The following SCHIP1 variants were observed in gnomAD, a reference collection of about 807,000 sequenced individuals.
SCHIP1 encodes the protein schwannomin interacting protein 1.
SCHIP1 carries 8 observed loss-of-function variants against 29.7 expected under a neutral mutation model. The observed-to-expected ratio is 0.27, with a 90% CI of 0.16 to 0.49. The LOEUF is 0.49. Among genes scored for constraint, SCHIP1 ranks in the 20% least tolerant of loss-of-function variants. The pLI is 0.99. For synonymous variants in SCHIP1, 76 were observed against 94.9 expected (o/e 0.80, Z 1.16); for missense variants, 193 against 294.6 (o/e 0.66, Z 2.52).
intron 6 of SCHIP1, 83 bp downstream of exon 7, chr3:159,892,273 G>T: frequency 6.6e-7 from 1 of 1,509,204 alleles, no homozygotes; most frequent in South Asian, 1.2e-5. Flanking sequence ...TAGCTCAAGA[G>T]AACTTCTTCC....
the SCHIP1 span, among the ~76,000 whole-genome samples, chr3:159,397,412 T>G: frequency 6.6e-6 from 1 of 152,226 alleles, no homozygotes; most frequent in African/African-American, 2.4e-5. Flanking sequence ...TTTTAGAGTT[T>G]CCAGTCTTTC....
chr3:159,680,633 T>TATATTATATTA, the SCHIP1 span, among the ~76,000 whole-genome samples: 5 of 63,268 alleles, frequency 7.9e-5, no homozygotes, highest in South Asian at 2.1e-3. Context: ...ATATATATTT[T>TATATTATATTA]ATATATTATA....
chr3:159,680,087 A>G, the SCHIP1 span, among the ~76,000 whole-genome samples: 260 of 152,056 alleles, frequency 1.7e-3, 1 homozygote, highest in African/African-American at 5.9e-3. Flanking sequence ...TAACCAGTTC[A>G]TTGGGTCTCT....
chr3:159,694,510 ACT>A, the SCHIP1 span, among the ~76,000 whole-genome samples: 1 of 150,702 alleles, frequency 6.6e-6, no homozygotes, highest in East Asian at 1.9e-4. Flanking sequence ...TAAGAGCAAA[ACT>A]CTGCCAAAAA....
chr3:159,737,913 A>G, the SCHIP1 span, among the ~76,000 whole-genome samples: 3 of 152,032 alleles, frequency 2.0e-5, no homozygotes, highest in Non-Finnish European at 4.4e-5. Context: ...TATGTGTTGT[A>G]TTTGCTGTCC....
chr3:159,727,051 C>T, the SCHIP1 span, among the ~76,000 whole-genome samples: 1 of 152,132 alleles, frequency 6.6e-6, no homozygotes, highest in East Asian at 1.9e-4. Flanking sequence ...AAAACAAATC[C>T]TCTATGAACT....
chr3:159,559,378 A>G, the SCHIP1 span, among the ~76,000 whole-genome samples: 1 of 152,226 alleles, frequency 6.6e-6, no homozygotes, highest in Non-Finnish European at 1.5e-5. Context: ...TTTTAAACAT[A>G]CAACATGTAT....
At chr3:159,826,111 T>A in the SCHIP1 span, among the ~76,000 whole-genome samples, 431 of 152,322 alleles carry the variant, frequency 2.8e-3, 2 homozygotes, top group African/African-American at 9.9e-3. Flanking sequence ...ACCGAGGAGT[T>A]TGAAACCAAG....
chr3:159,474,488 A>ACTT, the SCHIP1 span, among the ~76,000 whole-genome samples: 1 of 152,146 alleles, frequency 6.6e-6, no homozygotes, highest in Non-Finnish European at 1.5e-5. Flanking sequence ...TATATTGGTT[A>ACTT]AGTTCTGCAT....
the SCHIP1 span, among the ~76,000 whole-genome samples, chr3:159,628,462 C>G: frequency 6.6e-6 from 1 of 152,086 alleles, no homozygotes; most frequent in African/African-American, 2.4e-5. Context: ...AGCTGACGTA[C>G]AAGTGATGCA....
upstream of SCHIP1, among the ~76,000 whole-genome samples, chr3:159,835,645 T>C (rs1429360122): frequency 6.6e-6 from 1 of 152,246 alleles, no homozygotes; most frequent in African/African-American, 2.4e-5. Context: ...AAATTTTATG[T>C]ACAAAGAAAT....
chr3:159,524,824 TTCC>T, the SCHIP1 span, among the ~76,000 whole-genome samples: 2 of 152,206 alleles, frequency 1.3e-5, no homozygotes, highest in African/African-American at 4.8e-5. Context: ...CACAGAGCTA[TTCC>T]TCCTTTCACA....
chr3:159,443,681 C>A, the SCHIP1 span, among the ~76,000 whole-genome samples: 39 of 152,078 alleles, frequency 2.6e-4, no homozygotes, highest in South Asian at 1.9e-3. Context: ...GCTAATTTTT[C>A]TATTTTTAGT....
At chr3:159,332,855 A>G in the SCHIP1 span, among the ~76,000 whole-genome samples, 5 of 152,200 alleles carry the variant, frequency 3.3e-5, no homozygotes, top group Non-Finnish European at 5.9e-5. Context: ...TTATCCATCA[A>G]TTACAAAGCA....
At chr3:159,770,417 G>T in the SCHIP1 span, among the ~76,000 whole-genome samples, 1 of 152,068 alleles carries the variant, frequency 6.6e-6, no homozygotes, top group Admixed American at 6.6e-5. Context: ...CCACCATCAT[G>T]CCTGGCTAAT....
the SCHIP1 span, among the ~76,000 whole-genome samples, chr3:159,337,696 C>T: frequency 2.6e-5 from 4 of 152,106 alleles, no homozygotes; most frequent in Admixed American, 2.0e-4. Context: ...TTAGGGACCA[C>T]CAGTGGCAAC....
the SCHIP1 span, among the ~76,000 whole-genome samples, chr3:159,512,185 A>G: frequency 9.8e-5 from 15 of 152,300 alleles, 1 homozygote; most frequent in African/African-American, 3.4e-4. Flanking sequence ...GGAGAACTAG[A>G]GGGAAGGAGA....
At chr3:159,869,207 A>G (rs1349741053) in intron 2 of SCHIP1, among the ~76,000 whole-genome samples, 1 of 151,842 alleles carries the variant, frequency 6.6e-6, no homozygotes, top group Non-Finnish European at 1.5e-5. Flanking sequence ...CACTTTTTTA[A>G]TATGTGTTTT....
At chr3:159,600,151 G>A in the SCHIP1 span, among the ~76,000 whole-genome samples, 31,093 of 151,948 alleles carry the variant, frequency 0.2, 8,672 homozygotes, top group African/African-American at 0.63. Flanking sequence ...CTCACATTTT[G>A]TCTTTGACTT....
Sources: allele counts gnomAD v4.1 joint callset (sites outside exome capture counted in the v4.1 genomes callset), GRCh38; gene constraint gnomAD v4.1.1; transcripts MANE v1.5; gene names NCBI Gene and HGNC (gene_info 2026-07-23, HGNC 2026-07-21).